Variants in DOCK9 observed in about 807,000 individuals in gnomAD.
The protein encoded by DOCK9 is dedicator of cytokinesis protein 9.
DOCK9 carries 89 observed loss-of-function variants against 263.3 expected under a neutral mutation model. The ratio of observed to expected loss-of-function variants is 0.34; its 90% CI spans 0.28 to 0.40. The LOEUF (loss-of-function observed/expected upper bound fraction) is 0.40. Ranked by LOEUF, DOCK9 falls within the 10% of genes least tolerant of loss-of-function variation. DOCK9 has a pLI of 1.00. For missense variants in DOCK9, 2,140 were observed against 2,603.4 expected (o/e 0.82, Z 3.87); for synonymous variants, 976 against 973.1 (o/e 1.00, Z -0.06).
chr13:99,064,159 T>C (rs969352054), intron 1 of DOCK9, among the ~76,000 whole-genome samples: 1 of 152,212 alleles, frequency 6.6e-6, no homozygotes, highest in Non-Finnish European at 1.5e-5. Flanking sequence ...AATGAGTCAC[T>C]GGAACAGAGG....
intron 1 of DOCK9, among the ~76,000 whole-genome samples, chr13:99,083,256 GA>G (rs1164615270): frequency 1.2e-3 from 154 of 133,548 alleles, no homozygotes; most frequent in Non-Finnish European, 1.2e-3. Context: ...CTCCATCTCA[GA>G]AAAAAAAAAA....
Position 98,837,556 on chromosome 13 carries a change from T to A in DOCK9, c.4252A>T (p.Ile1418Phe), listed in dbSNP as rs544564158. 1.9e-6 allele frequency: 3 copies of A among 1,613,480 alleles called. No homozygotes were observed. In the East Asian group the frequency reaches 6.7e-5, roughly 36 times the overall value. ...GCTGTCAGGCAAACCTCAGTAGCAATGTTGGCTTCAAGTAATGACTGGTGC... is the reference window on the plus strand; with the variant it reads ...GCTGTCAGGCAAACCTCAGTAGCAAAGTTGGCTTCAAGTAATGACTGGTGC... ...VLHQSLLEANIATEVCLTALD... is the reference protein window; with the variant it reads ...VLHQSLLEANFATEVCLTALD... The change falls in exon 39 of 53, where the codon ATT (isoleucine) becomes TTT (phenylalanine). Residue 1418 changes from isoleucine (I) to phenylalanine (F), a missense_variant. Around this residue, in one of 2 missense-constraint regions of DOCK9, gnomAD observed 1,521 missense variants for 1,741.7 expected, o/e 0.87. Coordinates refer to ENST00000682017, the MANE Select transcript of DOCK9 (RefSeq NM_001366683.2).
At chr13:98,895,583 T>G (rs1452489014) in intron 15 of DOCK9, among the ~76,000 whole-genome samples, 1 of 151,556 alleles carries the variant, frequency 6.6e-6, no homozygotes, top group Non-Finnish European at 1.5e-5. Flanking sequence ...GAGAATCGCT[T>G]GAACTCGGGA....
At chr13:99,010,842 C>T (rs1884348360) in intron 1 of DOCK9, among the ~76,000 whole-genome samples, 1 of 152,244 alleles carries the variant, frequency 6.6e-6, no homozygotes, top group Admixed American at 6.5e-5. Flanking sequence ...TTTGTTACTT[C>T]AGAGCCATCC....
Position 98,930,269 on chromosome 13 carries a change from A to C in DOCK9, c.244-12T>G, listed in dbSNP as rs1367209553. 6.2e-7 allele frequency: 1 copy of C among 1,602,030 alleles called. No individual in the cohort carries two copies. The highest frequency in any genetic ancestry group is 8.5e-7 in the Non-Finnish European group (1 of 1,173,794). ...CTCAGGATGGCCGTCTGGAAACAAAAACAGGAGGAAAAGCCTTGGGTAAGT... is the reference window on the plus strand; with the variant it reads ...CTCAGGATGGCCGTCTGGAAACAAACACAGGAGGAAAAGCCTTGGGTAAGT... On this transcript the variant is annotated splice_polypyrimidine_tract_variant and intron_variant, in intron 2 of 52. Coordinates refer to ENST00000682017, the MANE Select transcript of DOCK9 (RefSeq NM_001366683.2).
chr13:98,924,725 T>A (rs1415424758), intron 4 of DOCK9, among the ~76,000 whole-genome samples: 5 of 152,214 alleles, frequency 3.3e-5, no homozygotes, highest in Non-Finnish European at 7.4e-5. Context: ...AGTTTCCTCC[T>A]CCTCTTTGGT....
chr13:98,881,445 A>C (rs1452729887), intron 25 of DOCK9, 113 bp downstream of exon 25: 19 of 803,666 alleles, frequency 2.4e-5, no homozygotes, highest in Non-Finnish European at 3.5e-5. Flanking sequence ...TAGAAGAGAA[A>C]GCATACGTTA....
At chr13:98,828,127 A>C (rs1346586048) in intron 43 of DOCK9, among the ~76,000 whole-genome samples, 3 of 152,228 alleles carry the variant, frequency 2.0e-5, no homozygotes, top group Admixed American at 1.3e-4. Context: ...TGCTGGCAAC[A>C]CAAAGAGCTC....
chr13:98,974,103 A>C (rs1481155170), intron 1 of DOCK9, among the ~76,000 whole-genome samples: 1 of 152,152 alleles, frequency 6.6e-6, no homozygotes, highest in Non-Finnish European at 1.5e-5. Flanking sequence ...TTTTTCCTCT[A>C]AACTGTTGAG....
Position 98,984,678 on chromosome 13 carries a change from G to C in DOCK9, c.130-29127C>G, listed in dbSNP as rs368583727. ...CAGTGAGCTGGATTATGAGATAATG[G>C]TATAGAGGAAGCTCATGCTGGGGTT... On this transcript the variant is annotated intron_variant, in intron 1 of 32. Coordinates refer to the DOCK9 transcript ENST00000427887. 9.9e-5 allele frequency among the ~76,000 whole-genome samples: 15 copies of C among 152,206 alleles called. No individual in the cohort carries two copies. In the South Asian group the frequency reaches 1.7e-3, roughly 17 times the overall value.
Position 98,808,646 on chromosome 13 carries a change from A to T in DOCK9, c.5367+706T>A, listed in dbSNP as rs892164751. 2.0e-5 allele frequency: 32 copies of T among 1,586,918 alleles called. No individual in the cohort carries two copies. Among genetic ancestry groups the T allele is most frequent in the Non-Finnish European group, 2.7e-5 (31 of 1,157,752 alleles). On this transcript the variant is annotated intron_variant, in intron 47 of 52. Coordinates refer to ENST00000682017, the MANE Select transcript of DOCK9 (RefSeq NM_001366683.2). ...AGGCATTTACTGTAATTACCTCCAC[A>T]TCTGTTTCACTGTCTGTAAACTGGT...
chr13:99,058,404 C>T (rs77827355), intron 1 of DOCK9, among the ~76,000 whole-genome samples: 8 of 152,100 alleles, frequency 5.3e-5, no homozygotes, highest in East Asian at 1.9e-4. Flanking sequence ...TCAAGTGATC[C>T]GCCCACCTCG....
intron 49 of DOCK9, 119 bp from the exon 50 acceptor site, chr13:98,800,597 G>C: frequency 8.0e-7 from 1 of 1,242,344 alleles, no homozygotes; most frequent in East Asian, 2.6e-5. Flanking sequence ...TTTAAAATAA[G>C]GAACCCAAAG....
intron 1 of DOCK9, among the ~76,000 whole-genome samples, chr13:99,000,458 T>C (rs1376276820): frequency 6.6e-6 from 1 of 152,124 alleles, no homozygotes; most frequent in Non-Finnish European, 1.5e-5. Flanking sequence ...CAGAGTAGCT[T>C]AGTAGAGGGT....
intron 1 of DOCK9, among the ~76,000 whole-genome samples, chr13:99,082,533 T>TA (rs1555309864): frequency 3.9e-5 from 4 of 101,472 alleles, no homozygotes; most frequent in East Asian, 7.7e-4. Flanking sequence ...AAAATAATAA[T>TA]AATAAATAAA....
chr13:98,879,860 T>C, intron 27 of DOCK9, 38 bp downstream of exon 27: 1 of 1,536,572 alleles, frequency 6.5e-7, no homozygotes, highest in Non-Finnish European at 8.8e-7. Flanking sequence ...AGATTTCTTT[T>C]CCCCTAAGAA....
intron 1 of DOCK9, among the ~76,000 whole-genome samples, chr13:98,957,047 C>T (rs1229767603): frequency 6.6e-6 from 1 of 152,112 alleles, no homozygotes; most frequent in Non-Finnish European, 1.5e-5. Context: ...CAATTTTATT[C>T]GAGTGGAAAA....
At position 98,868,294 on chromosome 13, in the gene DOCK9, C is replaced by T. The variant is rs760034340; in HGVS notation, c.3027G>A (p.Gln1009=). ...ATGCCTCTGGATTATCTCGAAACTT[C>T]TGAGTGATGTGTGGCATCAGCATAT... ...VVNMLMPHIT[Q]KFRDNPEASK... Residue 1009 remains glutamine, a synonymous_variant, in exon 28 of 53, where the codon CAG becomes CAA. Coordinates refer to ENST00000682017, the MANE Select transcript of DOCK9 (RefSeq NM_001366683.2). 1.2e-6 allele frequency: 2 copies of T among 1,613,986 alleles called. No individual in the cohort carries two copies. Among genetic ancestry groups the T allele is most frequent in the South Asian group, 2.2e-5 (2 of 91,074 alleles).
intron 38 of DOCK9, among the ~76,000 whole-genome samples, chr13:98,841,324 A>T (rs2093203916): frequency 6.6e-6 from 1 of 152,206 alleles, no homozygotes; most frequent in South Asian, 2.1e-4. Context: ...GGGACCTCAT[A>T]TGAAGTAAAG....
Sources: allele counts gnomAD v4.1 joint callset (sites outside exome capture counted in the v4.1 genomes callset), GRCh38; gene constraint gnomAD v4.1.1; regional missense constraint gnomAD v4.1.1; transcripts MANE v1.5; gene names NCBI Gene and HGNC (gene_info 2026-07-23, HGNC 2026-07-21).